The following ZNF536 variants were observed in gnomAD, a reference collection of about 807,000 sequenced individuals.
The protein encoded by ZNF536 is zinc finger protein 536.
ZNF536 carries 13 observed loss-of-function variants against 84.5 expected under a neutral mutation model. The ratio of observed to expected loss-of-function variants is 0.15; its 90% CI spans 0.10 to 0.24. The LOEUF (loss-of-function observed/expected upper bound fraction) is 0.24. Ranked by LOEUF, ZNF536 falls within the 10% of genes least tolerant of loss-of-function variation. The probability of loss-of-function intolerance (pLI) is 1.00; values close to 1 mark genes in which losing one functional copy is unlikely to be tolerated. For synonymous variants in ZNF536, 811 were observed against 742.5 expected (o/e 1.09, Z -1.50); for missense variants, 1,536 against 1,747.5 (o/e 0.88, Z 2.16).
At chr19:30,539,125 CCA>C (rs1555792989) in intron 3 of ZNF536, among the ~76,000 whole-genome samples, 10 of 151,068 alleles carry the variant, frequency 6.6e-5, no homozygotes, top group African/African-American at 2.4e-4. Context: ...TGCACCCCCC[CCA>C]CACACACACA....
intron 3 of ZNF536, among the ~76,000 whole-genome samples, chr19:30,537,567 C>T (rs1159936298): frequency 6.7e-6 from 1 of 149,794 alleles, no homozygotes; most frequent in African/African-American, 2.5e-5. Context: ...CCCTGTCGGC[C>T]CAAGACCAGT....
At chr19:30,433,179 G>A (rs1030940586) in intron 1 of ZNF536, among the ~76,000 whole-genome samples, 2 of 152,068 alleles carry the variant, frequency 1.3e-5, no homozygotes, top group African/African-American at 4.8e-5. Flanking sequence ...TCTCTACCTG[G>A]TGACCTCCTC....
intron 3 of ZNF536, among the ~76,000 whole-genome samples, chr19:30,546,261 C>T (rs1218204626): frequency 6.6e-6 from 1 of 152,246 alleles, no homozygotes; most frequent in African/African-American, 2.4e-5. Flanking sequence ...CTGAAATTCT[C>T]TGTGCCTTTA....
At chr19:30,595,093 C>T (rs1311066653) in intron 1 of ZNF536, among the ~76,000 whole-genome samples, 1 of 152,124 alleles carries the variant, frequency 6.6e-6, no homozygotes, top group African/African-American at 2.4e-5. Context: ...AAGCCAGAGC[C>T]AGGAGAGGCA....
chr19:30,341,073 C>T (rs1471268532), intron 2 of ZNF536, among the ~76,000 whole-genome samples: 1 of 151,862 alleles, frequency 6.6e-6, no homozygotes, highest in Non-Finnish European at 1.5e-5. Context: ...AGCAGCCGTT[C>T]GGCAGTGGAA....
At chr19:30,284,327 A>G (rs2045556364) in intron 2 of ZNF536, among the ~76,000 whole-genome samples, 2 of 152,188 alleles carry the variant, frequency 1.3e-5, no homozygotes, top group Non-Finnish European at 2.9e-5. Flanking sequence ...ATGTGGAGAC[A>G]TGTTCTTGAG....
chr19:30,282,248 G>A (rs962045154), intron 1 of ZNF536, among the ~76,000 whole-genome samples: 8 of 152,222 alleles, frequency 5.3e-5, no homozygotes, highest in Admixed American at 2.6e-4. Context: ...CCCTACTGGC[G>A]TGTTGGGCTA....
rs891502002 is a variant in ZNF536, at chr19:30,564,155, C to A, written c.169+14641C>A. ...AAGAAGGAGGAGGATTAAAGAGAAC[C>A]TGGAGACCTGGGAAGATAAAATTAA... is the stretch of plus-strand genomic sequence containing the variant. On this transcript the variant is annotated intron_variant, in intron 1 of 1. Transcript: ENST00000592773. Among the ~76,000 whole-genome samples, 6 of 152,072 alleles carry A rather than the reference C, an allele frequency of 3.9e-5. No individual in the cohort carries two copies. In the South Asian group the frequency reaches 1.2e-3, roughly 32 times the overall value.
intron 1 of ZNF536, among the ~76,000 whole-genome samples, chr19:30,281,249 ATCCCTGCTGTAC>A (rs1278362558): frequency 6.6e-6 from 1 of 152,140 alleles, no homozygotes; most frequent in African/African-American, 2.4e-5. Context: ...AGCAGCCTGC[ATCCCTGCTGTAC>A]TCCAGCCAGG....
chr19:30,500,856 T>C (rs2054922059), intron 2 of ZNF536, among the ~76,000 whole-genome samples: 1 of 152,242 alleles, frequency 6.6e-6, no homozygotes, highest in Non-Finnish European at 1.5e-5. Flanking sequence ...ATCCCAGCAG[T>C]GCTACCTCCT....
intron 1 of ZNF536, among the ~76,000 whole-genome samples, chr19:30,433,271 C>A (rs2148003895): frequency 6.6e-6 from 1 of 152,330 alleles, no homozygotes; most frequent in African/African-American, 2.4e-5. Context: ...GACCAGCATG[C>A]TGAAGCTCTC....
intron 1 of ZNF536, among the ~76,000 whole-genome samples, chr19:30,390,400 G>A (rs1372617844): frequency 6.6e-6 from 1 of 152,182 alleles, no homozygotes; most frequent in Non-Finnish European, 1.5e-5. Context: ...ACTCTTTAGG[G>A]TGAGGTGGGA....
intron 1 of ZNF536, among the ~76,000 whole-genome samples, chr19:30,709,160 G>T (rs781232375): frequency 6.6e-6 from 1 of 152,146 alleles, no homozygotes; most frequent in Non-Finnish European, 1.5e-5. Flanking sequence ...GAGATGTTGC[G>T]CTTGGAGGAT....
chr19:30,382,014 C>A (rs1568374825), intron 1 of ZNF536, among the ~76,000 whole-genome samples: 1 of 151,984 alleles, frequency 6.6e-6, no homozygotes, highest in Non-Finnish European at 1.5e-5. Context: ...CTTTCCATTC[C>A]CTGGTTTAAG....
intron 1 of ZNF536, among the ~76,000 whole-genome samples, chr19:30,400,590 C>A (rs751986485): frequency 1.4e-4 from 22 of 152,084 alleles, no homozygotes; most frequent in Non-Finnish European, 2.9e-4. Flanking sequence ...GAGACAAGGT[C>A]TCACTTTGTC....
intron 2 of ZNF536, among the ~76,000 whole-genome samples, chr19:30,331,010 G>GAT (rs2146389594): frequency 6.6e-6 from 1 of 152,228 alleles, no homozygotes; most frequent in Middle Eastern, 3.4e-3. Flanking sequence ...AAATAAAAGG[G>GAT]CCTTATTTCA....
chr19:30,706,222 C>T (rs755855939), intron 1 of ZNF536, among the ~76,000 whole-genome samples: 2 of 152,126 alleles, frequency 1.3e-5, no homozygotes. Context: ...CGGTGGCTCA[C>T]GCCTGTAATC....
intron 1 of ZNF536, among the ~76,000 whole-genome samples, chr19:30,679,241 T>G (rs1334591288): frequency 6.6e-6 from 1 of 152,046 alleles, no homozygotes; most frequent in Non-Finnish European, 1.5e-5. Context: ...ATCTGTGCGG[T>G]GGATTATCAA....
At chr19:30,333,638 C>T (rs540135002) in intron 2 of ZNF536, among the ~76,000 whole-genome samples, 1 of 152,290 alleles carries the variant, frequency 6.6e-6, no homozygotes, top group South Asian at 2.1e-4. Context: ...CTGCCATTGC[C>T]CATCAGTAGC....
Sources: gnomAD v4.1 joint callset for allele counts (sites outside exome capture counted in the v4.1 genomes callset) on GRCh38, gnomAD v4.1.1 for gene constraint, MANE v1.5 for transcripts, NCBI Gene and HGNC (gene_info 2026-07-23, HGNC 2026-07-21) for gene names.